The following KIAA1958 variants were observed in gnomAD, a reference collection of about 807,000 sequenced individuals.
The protein encoded by KIAA1958 is KIAA1958.
KIAA1958 carries 14 observed loss-of-function variants against 47.2 expected under a neutral mutation model. The ratio of observed to expected loss-of-function variants is 0.30; its 90% CI spans 0.20 to 0.46. KIAA1958 has a LOEUF of 0.46. Among genes scored for constraint, KIAA1958 ranks in the 20% least tolerant of loss-of-function variants. The pLI, the probability that KIAA1958 is intolerant of heterozygous loss-of-function variation, is 1.00. For missense variants in KIAA1958, 803 were observed against 909.2 expected (o/e 0.88, Z 1.50); for synonymous variants, 354 against 353.3 (o/e 1.00, Z -0.02).
chr9:112,507,907 A>G (rs936580282), intron 1 of KIAA1958, among the ~76,000 whole-genome samples: 1 of 152,140 alleles, frequency 6.6e-6, no homozygotes, highest in Non-Finnish European at 1.5e-5. Context: ...TGCTGAGATT[A>G]TAAGTGAGAT....
chr9:112,490,235 A>G (rs1267996172), intron 1 of KIAA1958, among the ~76,000 whole-genome samples: 1 of 152,218 alleles, frequency 6.6e-6, no homozygotes, highest in Non-Finnish European at 1.5e-5. Context: ...TGAAGATTGG[A>G]GAGAAGCCAT....
intron 2 of KIAA1958, among the ~76,000 whole-genome samples, chr9:112,599,971 G>T (rs1290587989): frequency 6.6e-6 from 1 of 152,186 alleles, no homozygotes; most frequent in Non-Finnish European, 1.5e-5. Flanking sequence ...TCCACAGCAT[G>T]ATTTATTACA....
chr9:112,657,686 TC>T (rs1837173434), intron 3 of KIAA1958, among the ~76,000 whole-genome samples: 1 of 152,110 alleles, frequency 6.6e-6, no homozygotes, highest in Non-Finnish European at 1.5e-5. Context: ...TTTCTAATTG[TC>T]CTAGAATATG....
chr9:112,650,953 A>G (rs934979304), intron 3 of KIAA1958, among the ~76,000 whole-genome samples: 20 of 152,268 alleles, frequency 1.3e-4, no homozygotes, highest in Admixed American at 1.2e-3. Context: ...GAAATTTCAT[A>G]GTGATAAAAA....
intron 1 of KIAA1958, among the ~76,000 whole-genome samples, chr9:112,487,946 C>CGCGTGTGTGT (rs112995293): frequency 2.7e-5 from 4 of 145,734 alleles, no homozygotes; most frequent in Non-Finnish European, 1.5e-5. Context: ...AGTGTGTGTG[C>CGCGTGTGTGT]GTGTGTGTGT....
intron 3 of KIAA1958, among the ~76,000 whole-genome samples, chr9:112,654,401 T>A (rs1484187289): frequency 6.6e-6 from 1 of 152,188 alleles, no homozygotes; most frequent in African/African-American, 2.4e-5. Context: ...TTCTTTTTGG[T>A]GTTTTTCTCC....
chr9:112,606,345 A>G (rs1171495383), intron 2 of KIAA1958, among the ~76,000 whole-genome samples: 1 of 152,146 alleles, frequency 6.6e-6, no homozygotes, highest in Non-Finnish European at 1.5e-5. Flanking sequence ...TTCATTTCTA[A>G]TTGTTAAATA....
Position 112,669,228 on chromosome 9 carries a change from T to TC in KIAA1958, c.*9159_*9160insC, listed in dbSNP as rs1204377827. On this transcript the variant is annotated 3_prime_UTR_variant, in exon 4 of 4. Transcript: ENST00000337530. Reference sequence around the variant, plus strand: ...TGTCAGCGTTGGAAGGGATTTTTTTTTGTTCCTCCAGTCCGGCCCTCTAGT... The same window carrying TC: ...TGTCAGCGTTGGAAGGGATTTTTTTTCTGTTCCTCCAGTCCGGCCCTCTAGT... The TC allele has an allele frequency of 6.6e-6, 1 of 152,182 alleles. No homozygotes were observed. The highest frequency in any genetic ancestry group is 2.4e-5 in the African/African-American group (1 of 41,436). The allele number at this position is 152,182 out of a possible 1,614,324, so 9.4% of individuals were successfully genotyped here.
intron 2 of KIAA1958, among the ~76,000 whole-genome samples, chr9:112,631,367 A>C (rs1836702591): frequency 6.6e-6 from 1 of 151,870 alleles, no homozygotes; most frequent in Non-Finnish European, 1.5e-5. Flanking sequence ...TCTCTACAAA[A>C]ATTTTAAAAT....
intron 1 of KIAA1958, among the ~76,000 whole-genome samples, chr9:112,547,231 T>A (rs1835053657): frequency 1.5e-4 from 2 of 13,226 alleles, no homozygotes; most frequent in African/African-American, 1.9e-3. Context: ...ACCAAAAAAT[T>A]AGCTGGGAGT....
chr9:112,631,488 G>A (rs372616146), intron 2 of KIAA1958, among the ~76,000 whole-genome samples: 131 of 134,492 alleles, frequency 9.7e-4, no homozygotes, highest in African/African-American at 3.5e-3. Context: ...CTGTGATTAC[G>A]CCACTGCACT....
intron 1 of KIAA1958, among the ~76,000 whole-genome samples, chr9:112,528,847 A>G (rs1834705273): frequency 6.6e-6 from 1 of 152,176 alleles, no homozygotes; most frequent in Non-Finnish European, 1.5e-5. Context: ...AGTCCCCAGC[A>G]TTCAGCATAG....
At chr9:112,525,918 T>TTTCTTCTTCTTCTTCTTCTTCTTC (rs758525184) in intron 1 of KIAA1958, among the ~76,000 whole-genome samples, 1 of 96,504 alleles carries the variant, frequency 1.0e-5, no homozygotes, top group Non-Finnish European at 2.2e-5. Context: ...ATTTATATTC[T>TTTCTTCTTCTTCTTCTTCTTCTTC]TTCTTCTTCT....
At chr9:112,520,591 T>G (rs904512952) in intron 1 of KIAA1958, among the ~76,000 whole-genome samples, 12 of 152,086 alleles carry the variant, frequency 7.9e-5, no homozygotes, top group African/African-American at 2.7e-4. Flanking sequence ...AACAGAGAAA[T>G]GAACAGGGTG....
At chr9:112,533,792 G>T (rs1834808332) in intron 1 of KIAA1958, among the ~76,000 whole-genome samples, 3 of 151,988 alleles carry the variant, frequency 2.0e-5, no homozygotes, top group Non-Finnish European at 4.4e-5. Context: ...GAACAGCATG[G>T]GGGAAACAGC....
chr9:112,548,427 G>C lies in KIAA1958; in HGVS notation c.-24-25630G>C, dbSNP rs568020507. Among the ~76,000 whole-genome samples, 3 of 152,296 alleles carry C rather than the reference G, an allele frequency of 2.0e-5. No homozygotes were observed. The East Asian group carries it at 5.8e-4, about 29-fold the overall frequency. ...TCCCTAAAATGTATGAAACCAGGCTGTAGCCTGACCACCTTGGGTACATGT... is the reference window on the plus strand; with the variant it reads ...TCCCTAAAATGTATGAAACCAGGCTCTAGCCTGACCACCTTGGGTACATGT... On this transcript the variant is annotated intron_variant, in intron 1 of 3. Transcript: ENST00000337530.
intron 1 of KIAA1958, among the ~76,000 whole-genome samples, chr9:112,536,228 A>G (rs1272036849): frequency 1.3e-5 from 2 of 152,226 alleles, no homozygotes; most frequent in Non-Finnish European, 2.9e-5. Context: ...CTTAGTCTCA[A>G]TATTTTTTTA....
intron 1 of KIAA1958, among the ~76,000 whole-genome samples, chr9:112,489,918 A>T (rs908820340): frequency 6.6e-6 from 1 of 152,236 alleles, no homozygotes. Flanking sequence ...TAGTGTTTTC[A>T]TTAGCAATAA....
At chr9:112,604,540 A>G (rs558860506) in intron 2 of KIAA1958, among the ~76,000 whole-genome samples, 2 of 152,344 alleles carry the variant, frequency 1.3e-5, no homozygotes, top group African/African-American at 4.8e-5. Context: ...ACCTTCTTTA[A>G]GAGAATCTAT....
Sources: allele counts gnomAD v4.1 joint callset (sites outside exome capture counted in the v4.1 genomes callset), GRCh38; gene constraint gnomAD v4.1.1; transcripts MANE v1.5; gene names NCBI Gene and HGNC (gene_info 2026-07-23, HGNC 2026-07-21).